Variants in TAX1BP1 observed in about 807,000 individuals in gnomAD.
The protein encoded by TAX1BP1 is Tax1 binding protein 1, also known as tax1-binding protein 1.
A neutral mutation model predicts 97.7 loss-of-function variants in TAX1BP1; 62 were observed. That is an observed-to-expected ratio of 0.63 (90% CI 0.52 to 0.78). The LOEUF is 0.78. TAX1BP1 is among the 30% of genes least tolerant of loss of function. TAX1BP1 has a pLI of 0.00. For missense variants in TAX1BP1, 867 were observed against 916.1 expected (o/e 0.95, Z 0.69); for synonymous variants, 340 against 304.2 (o/e 1.12, Z -1.23).
chr7:27,792,323 A>G, intron 9 of TAX1BP1, 93 bp downstream of exon 9: 1 of 1,129,010 alleles, frequency 8.9e-7, no homozygotes, highest in South Asian at 1.6e-5. Flanking sequence ...GACAGGTCAG[A>G]TTTCTGCCTT....
chr7:27,740,722 G>C (rs1787549179), intron 1 of TAX1BP1, among the ~76,000 whole-genome samples: 1 of 152,208 alleles, frequency 6.6e-6, no homozygotes, highest in African/African-American at 2.4e-5. Flanking sequence ...GGTCGCGTCC[G>C]AGAAGGACGC....
At chr7:27,769,067 G>C (rs1390402613) in intron 4 of TAX1BP1, among the ~76,000 whole-genome samples, 1 of 151,652 alleles carries the variant, frequency 6.6e-6, no homozygotes, top group Non-Finnish European at 1.5e-5. Context: ...ATAAGAATCA[G>C]GTATATTGTT....
chr7:27,786,342 C>G (rs1194089309), intron 7 of TAX1BP1, among the ~76,000 whole-genome samples: 1 of 152,032 alleles, frequency 6.6e-6, no homozygotes, highest in Non-Finnish European at 1.5e-5. Context: ...ACCATGTTAG[C>G]CAGGATGGTC....
intron 13 of TAX1BP1, among the ~76,000 whole-genome samples, chr7:27,813,097 A>G (rs533178581): frequency 1.3e-5 from 2 of 150,526 alleles, no homozygotes; most frequent in African/African-American, 4.9e-5. Flanking sequence ...CTGTAGCTTT[A>G]TAATACGTCT....
At chr7:27,803,045 C>A in intron 13 of TAX1BP1, 3 of 1,475,418 alleles carry the variant, frequency 2.0e-6, no homozygotes, top group Non-Finnish European at 2.7e-6. Flanking sequence ...TAAACCAGAT[C>A]TCAAAGTTGC....
Position 27,748,651 on chromosome 7 carries a change from C to T in TAX1BP1, c.127C>T (p.His43Tyr), listed in dbSNP as rs777650811. 3 of 1,566,696 alleles carry T rather than the reference C, an allele frequency of 1.9e-6. No homozygotes were observed. Among genetic ancestry groups the T allele is most frequent in the South Asian group, 1.2e-5 (1 of 81,698 alleles). ...ECHYTLTPYIHPHPKDWVGIF... is the reference protein window; with the variant it reads ...ECHYTLTPYIYPHPKDWVGIF... ...TCATTACACCTTAACTCCATATATT[C>T]ATCCACATCCAAAAGATTGGGTTGG... Residue 43 changes from histidine to tyrosine, a missense_variant, in exon 2 of 17, where the codon CAT (histidine) becomes TAT (tyrosine). His to Tyr is a moderately conservative substitution (Grantham distance 83, BLOSUM62 2). This residue lies in a region of TAX1BP1 where 822 missense variants were observed against 851.4 expected (regional missense o/e 0.97). Transcript: ENST00000396319.
intron 3 of TAX1BP1, among the ~76,000 whole-genome samples, chr7:27,758,517 T>C (rs573440391): frequency 3.7e-4 from 56 of 152,220 alleles, no homozygotes; most frequent in Admixed American, 2.7e-3. Flanking sequence ...ACAGAACTTA[T>C]AGTTATTTGA....
intron 8 of TAX1BP1, among the ~76,000 whole-genome samples, chr7:27,790,761 A>G (rs1297722725): frequency 6.6e-6 from 1 of 152,116 alleles, no homozygotes; most frequent in Non-Finnish European, 1.5e-5. Context: ...TGTTGTAAAT[A>G]TCTGATGAGA....
At chr7:27,814,419 A>AT (rs1298445983) in intron 13 of TAX1BP1, among the ~76,000 whole-genome samples, 1 of 151,954 alleles carries the variant, frequency 6.6e-6, no homozygotes, top group African/African-American at 2.4e-5. Context: ...GCCTACTGGG[A>AT]TTTTCTAGGC....
At chr7:27,796,380 G>T (rs73684059) in intron 12 of TAX1BP1, among the ~76,000 whole-genome samples, 161 bp downstream of exon 12, 1 of 152,114 alleles carries the variant, frequency 6.6e-6, no homozygotes, top group Admixed American at 6.5e-5. Flanking sequence ...TGGGCGTTTT[G>T]TGTACCTGTT....
intron 3 of TAX1BP1, among the ~76,000 whole-genome samples, chr7:27,762,957 A>G (rs1788482905): frequency 6.6e-6 from 1 of 152,216 alleles, no homozygotes; most frequent in Non-Finnish European, 1.5e-5. Context: ...TGTCTCAAAA[A>G]TTCATGGGCA....
At chr7:27,816,559 G>T in intron 14 of TAX1BP1, 39 bp downstream of exon 14, 1 of 1,480,180 alleles carries the variant, frequency 6.8e-7, no homozygotes, top group Non-Finnish European at 9.0e-7. Context: ...AGCTGCATCT[G>T]GAGATTTTTT....
At chr7:27,797,243 C>G (rs887509885) in intron 12 of TAX1BP1, among the ~76,000 whole-genome samples, 1 of 151,972 alleles carries the variant, frequency 6.6e-6, no homozygotes, top group Non-Finnish European at 1.5e-5. Context: ...GTGATCCACT[C>G]GCCTCGGCCT....
rs199560353 is a variant in TAX1BP1 at position 27,783,043 on chromosome 7, CAG to C, written c.613-2119_613-2118del. On this transcript the variant is annotated intron_variant, in intron 5 of 16. Transcript: ENST00000396319. ...AATTGGTAATAGTGGCTCATGGAAA[CAG>C]TGATTTTTTTAGTTTAGGAGTGGGA... Among the ~76,000 whole-genome samples, 620 of 152,112 alleles carry C rather than the reference CAG, an allele frequency of 4.1e-3. 4 individuals carry two copies. The highest frequency in any genetic ancestry group is 0.02 in the Middle Eastern group (6 of 294).
rs189665272 is a variant in TAX1BP1, at chr7:27,827,382, C to T, written c.2086-356C>T. Among the ~76,000 whole-genome samples the T allele has an allele frequency of 3.0e-3, 447 of 151,478 alleles. 1 individual carries two copies. The highest frequency in any genetic ancestry group is 0.01 in the African/African-American group (433 of 41,358). ...AAAAAAAAAAGCAAAAAACTGGTCA[C>T]CCAGTCTGCAGAATGATAAAGTCAG... On this transcript the variant is annotated intron_variant, in intron 15 of 16. Coordinates refer to ENST00000396319, the MANE Select transcript of TAX1BP1 (RefSeq NM_006024.7).
rs1177237175 is a variant in TAX1BP1 at position 27,828,851 on chromosome 7, T to C, written c.*22T>C. The stretch of plus-strand genomic sequence containing the variant: ...CTAGTTACTTTTTATTATGAGTTAA[T>C]ATAGTTTAGCAGTAAAAAAAAAAAA... On this transcript the variant is annotated 3_prime_UTR_variant, in exon 17 of 17. Coordinates refer to ENST00000396319, the MANE Select transcript of TAX1BP1 (RefSeq NM_006024.7). 1 of 1,481,370 alleles carries C rather than the reference T, an allele frequency of 6.8e-7. No homozygotes were observed. Among genetic ancestry groups the C allele is most frequent in the East Asian group, 2.3e-5 (1 of 43,730 alleles). The allele number at this position is 1,481,370 out of a possible 1,614,324, so 91.8% of individuals were successfully genotyped here.
At chr7:27,775,612 C>T (rs533946911) in intron 5 of TAX1BP1, among the ~76,000 whole-genome samples, 35 of 152,266 alleles carry the variant, frequency 2.3e-4, no homozygotes, top group East Asian at 5.8e-4. Flanking sequence ...AGTGAAGCAG[C>T]AGCCATTTTT....
chr7:27,742,885 C>T (rs535996638), intron 1 of TAX1BP1, among the ~76,000 whole-genome samples: 1 of 152,282 alleles, frequency 6.6e-6, no homozygotes, highest in South Asian at 2.1e-4. Flanking sequence ...AAAGTTTCAA[C>T]CTTTTTAATA....
intron 5 of TAX1BP1, among the ~76,000 whole-genome samples, chr7:27,774,859 G>C (rs558859029): frequency 6.6e-6 from 1 of 152,164 alleles, no homozygotes; most frequent in East Asian, 1.9e-4. Context: ...GCTAACAAAT[G>C]AATTGAAAGA....
Sources: allele counts gnomAD v4.1 joint callset (sites outside exome capture counted in the v4.1 genomes callset), GRCh38; gene constraint gnomAD v4.1.1; regional missense constraint gnomAD v4.1.1; transcripts MANE v1.5; gene names NCBI Gene and HGNC (gene_info 2026-07-23, HGNC 2026-07-21).